SETD7: variants seen among roughly 807,000 people sequenced by gnomAD.
SETD7 encodes the protein histone-lysine N-methyltransferase SETD7.
In SETD7, 16 loss-of-function variants were observed where a neutral mutation model predicts 41.8. The observed-to-expected ratio is 0.38, with a 90% confidence interval of 0.26 to 0.58. SETD7 has a LOEUF of 0.58. SETD7 is among the 20% of genes least tolerant of loss of function. The pLI is 0.64. For missense variants in SETD7, 346 were observed against 459.7 expected, an observed-to-expected ratio of 0.75 and a Z score of 2.26; for synonymous variants, 163 against 169.7, an observed-to-expected ratio of 0.96 and a Z score of 0.31.
At chr4:139,543,541 ATTAAC>A (rs1171851545) in intron 2 of SETD7, among the ~76,000 whole-genome samples, 2 of 152,172 alleles carry the variant, frequency 1.3e-5, no homozygotes, top group Admixed American at 1.3e-4. Context: ...CCCTTAAGAT[ATTAAC>A]TCCCGTCTAT....
intron 3 of SETD7, among the ~76,000 whole-genome samples, chr4:139,531,187 T>C (rs891528987): frequency 6.6e-6 from 1 of 152,196 alleles, no homozygotes; most frequent in Non-Finnish European, 1.5e-5. Context: ...TTTAATATGA[T>C]AATCAAGGCT....
chr4:139,520,276 C>T lies in SETD7; in HGVS notation c.762+1G>A, dbSNP rs755851959. On this transcript the variant is annotated splice_donor_variant, in intron 6 of 7. Coordinates refer to ENST00000274031, the MANE Select transcript of SETD7 (RefSeq NM_030648.4). LOFTEE classifies it high-confidence loss of function. Reference sequence around the variant, plus strand: ...GATTTTCCACTGTCAGCCCCACTCACCTCTTGGTGTGTAATTCGAACTCCA... The same window carrying T: ...GATTTTCCACTGTCAGCCCCACTCATCTCTTGGTGTGTAATTCGAACTCCA... 1.3e-6 allele frequency: 2 copies of T among 1,536,958 alleles called. No individual in the cohort carries two copies. Among genetic ancestry groups the T allele is most frequent in the Non-Finnish European group, 1.8e-6 (2 of 1,122,588 alleles).
chr4:139,518,221 C>G (rs1727083804), intron 6 of SETD7, among the ~76,000 whole-genome samples, 179 bp from the exon 7 acceptor site: 2 of 152,216 alleles, frequency 1.3e-5, no homozygotes, highest in South Asian at 4.1e-4. Context: ...CTCTGCCTCC[C>G]AGGTTCAAGC....
intron 6 of SETD7, among the ~76,000 whole-genome samples, chr4:139,519,099 A>T (rs1245450311): frequency 6.6e-6 from 1 of 152,212 alleles, no homozygotes; most frequent in Admixed American, 6.5e-5. Flanking sequence ...CAAAAGTGGA[A>T]AAAAGCCTCA....
chr4:139,507,595 C>T lies in SETD7; in HGVS notation c.*4068G>A, dbSNP rs1726742476. On this transcript the variant is annotated 3_prime_UTR_variant, in exon 8 of 8. Coordinates refer to ENST00000274031, the MANE Select transcript of SETD7 (RefSeq NM_030648.4). Reference sequence around the variant, plus strand: ...TTTCATACAAACATCTATTTACATACAAACACATTAAAATTTGTGAAAAGG... The same window carrying T: ...TTTCATACAAACATCTATTTACATATAAACACATTAAAATTTGTGAAAAGG... The T allele has an allele frequency of 6.6e-6, 1 of 152,574 alleles. No individual in the cohort carries two copies. Among genetic ancestry groups the T allele is most frequent in the Non-Finnish European group, 1.5e-5 (1 of 68,044 alleles). 9.5% of individuals were successfully genotyped at this position (152,574 alleles called of 1,614,324 possible). A position where few individuals can be genotyped will look rare whatever the true frequency, so the allele number is the denominator to read the frequency against.
chr4:139,524,498 G>A (rs1486065131), intron 4 of SETD7, among the ~76,000 whole-genome samples: 1 of 152,350 alleles, frequency 6.6e-6, no homozygotes, highest in East Asian at 1.9e-4. Flanking sequence ...TGGAGCTGGG[G>A]TAGTTGGAAC....
At chr4:139,533,135 T>G in intron 3 of SETD7, 30 bp downstream of exon 3, 1 of 1,577,794 alleles carries the variant, frequency 6.3e-7, no homozygotes, top group Non-Finnish European at 8.7e-7. Context: ...TATGTTACTT[T>G]CCAGCAGAGT....
chr4:139,519,519 A>G (rs889281144), intron 6 of SETD7, among the ~76,000 whole-genome samples: 1 of 152,220 alleles, frequency 6.6e-6, no homozygotes, highest in Non-Finnish European at 1.5e-5. Flanking sequence ...GTGCAGTTTG[A>G]ATACGTCGCC....
At chr4:139,501,768 T>A (rs1726581874), downstream of SETD7, among the ~76,000 whole-genome samples, 1 of 152,168 alleles carries the variant, frequency 6.6e-6, no homozygotes, top group Non-Finnish European at 1.5e-5. Flanking sequence ...GATGCTTCAC[T>A]CATTAAACAA....
chr4:139,556,005 G>A, intron 1 of SETD7, 93 bp downstream of exon 1: 15 of 1,322,380 alleles, frequency 1.1e-5, no homozygotes, highest in Non-Finnish European at 1.4e-5. Context: ...TGGCGGCCGC[G>A]GGGCCCGGCG....
chr4:139,535,829 A>T (rs1314132711), intron 2 of SETD7, among the ~76,000 whole-genome samples: 3 of 152,150 alleles, frequency 2.0e-5, no homozygotes, highest in African/African-American at 7.2e-5. Flanking sequence ...ATCTGATGAC[A>T]AAAGAGGGCA....
intron 3 of SETD7, among the ~76,000 whole-genome samples, chr4:139,530,992 C>A (rs760356872): frequency 6.6e-6 from 1 of 151,896 alleles, no homozygotes; most frequent in Non-Finnish European, 1.5e-5. Context: ...GGGAAAGAAA[C>A]GGCTGCTTTC....
At chr4:139,553,503 G>A (rs1728169757) in intron 1 of SETD7, among the ~76,000 whole-genome samples, 1 of 152,160 alleles carries the variant, frequency 6.6e-6, no homozygotes, top group Non-Finnish European at 1.5e-5. Flanking sequence ...AATAAAAAAT[G>A]TAGGAAGACA....
Position 139,514,478 on chromosome 4 carries a change from A to G in SETD7, c.921-2635T>C, listed in dbSNP as rs536745874. On this transcript the variant is annotated intron_variant, in intron 7 of 7. Coordinates refer to ENST00000274031, the MANE Select transcript of SETD7 (RefSeq NM_030648.4). ...TATCATCATCATTTTCAGAGTGTAG[A>G]TAAGGGACAGACTGAAAAGAAAGAA... Among the ~76,000 whole-genome samples the G allele has an allele frequency of 1.8e-4, 28 of 152,180 alleles. No homozygotes were observed. In the South Asian group the frequency reaches 5.8e-3, roughly 32 times the overall value.
intron 4 of SETD7, among the ~76,000 whole-genome samples, chr4:139,524,192 T>C (rs962951706): frequency 2.6e-5 from 4 of 152,240 alleles, no homozygotes; most frequent in Admixed American, 6.5e-5. Context: ...CTTCAGTAGT[T>C]ACTAATGGTT....
In SETD7 at chr4:139,497,215, G is replaced by C. The variant is rs534622641; in HGVS notation, c.921-694C>G. On this transcript the variant is annotated intron_variant, in intron 7 of 7. Coordinates refer to the SETD7 transcript ENST00000506866. The stretch of plus-strand genomic sequence containing the variant: ...CACGCCTGTAATCCCAGCACTTTGG[G>C]AGGCCGAGGTGGGCGAATCACCCAA... Among the ~76,000 whole-genome samples the C allele has an allele frequency of 4.1e-4, 63 of 152,288 alleles. 1 individual carries two copies. In the South Asian group the frequency reaches 9.7e-3, roughly 24 times the overall value.
intron 7 of SETD7, among the ~76,000 whole-genome samples, chr4:139,516,993 A>G (rs955971414): frequency 4.6e-5 from 7 of 152,240 alleles, no homozygotes; most frequent in Non-Finnish European, 7.3e-5. Flanking sequence ...GACATTTCAT[A>G]TAAATGGAAT....
chr4:139,518,837 C>A (rs1727102067), intron 6 of SETD7, among the ~76,000 whole-genome samples: 1 of 152,188 alleles, frequency 6.6e-6, no homozygotes, highest in African/African-American at 2.4e-5. Flanking sequence ...AACAGTGTAA[C>A]AATCAGGCTT....
chr4:139,543,111 C>T (rs79891021), intron 2 of SETD7, among the ~76,000 whole-genome samples: 15,063 of 152,188 alleles, frequency 0.099, 1,092 homozygotes, highest in East Asian at 0.37. Flanking sequence ...TTTGTCTCCT[C>T]GCTTGTTATT....
Sources: gnomAD v4.1 joint callset for allele counts (sites outside exome capture counted in the v4.1 genomes callset) on GRCh38, gnomAD v4.1.1 for gene constraint, MANE v1.5 for transcripts, NCBI Gene and HGNC (gene_info 2026-07-23, HGNC 2026-07-21) for gene names.